PRICKLE2: variants seen among roughly 807,000 people sequenced by gnomAD.
The protein encoded by PRICKLE2 is prickle-like protein 2.
PRICKLE2 carries 21 observed loss-of-function variants against 81.4 expected under a neutral mutation model. The ratio of observed to expected loss-of-function variants is 0.26; its 90% CI spans 0.18 to 0.37. The LOEUF (loss-of-function observed/expected upper bound fraction) is 0.37. Among genes scored for constraint, PRICKLE2 ranks in the 10% least tolerant of loss-of-function variants. PRICKLE2 has a pLI of 1.00. For synonymous variants in PRICKLE2, 456 were observed against 421.5 expected, an observed-to-expected ratio of 1.08 and a Z score of -1.00; for missense variants, 940 against 1,109.0, an observed-to-expected ratio of 0.85 and a Z score of 2.16.
chr3:64,231,956 CA>C (rs767583702), intron 2 of PRICKLE2, among the ~76,000 whole-genome samples: 6 of 152,040 alleles, frequency 3.9e-5, no homozygotes, highest in African/African-American at 7.2e-5. Context: ...AAAACGAAAA[CA>C]AAAACAAAAA....
intron 2 of PRICKLE2, among the ~76,000 whole-genome samples, chr3:64,241,148 C>G (rs1407455345): frequency 1.3e-5 from 2 of 152,190 alleles, no homozygotes; most frequent in Non-Finnish European, 2.9e-5. Context: ...ATGGGCATTG[C>G]TATATTTCAA....
chr3:64,152,456 T>G (rs2077562902), intron 6 of PRICKLE2, among the ~76,000 whole-genome samples: 1 of 152,234 alleles, frequency 6.6e-6, no homozygotes, highest in Admixed American at 6.5e-5. Flanking sequence ...GAAAATGATT[T>G]TCACCATCTC....
intron 1 of PRICKLE2, among the ~76,000 whole-genome samples, chr3:64,207,314 G>A (rs1438741557): frequency 1.3e-5 from 2 of 152,110 alleles, no homozygotes; most frequent in African/African-American, 2.4e-5. Flanking sequence ...TACAACTAAT[G>A]TAGAAAAAAT....
chr3:64,191,957 C>A (rs1255737572), intron 2 of PRICKLE2, among the ~76,000 whole-genome samples: 1 of 152,158 alleles, frequency 6.6e-6, no homozygotes, highest in Non-Finnish European at 1.5e-5. Context: ...GACCCAGAGA[C>A]TTGGAGCTGG....
chr3:64,157,301 C>A lies in PRICKLE2; in HGVS notation c.461G>T (p.Cys154Phe), dbSNP rs1553644844. ...GCATACGAAGCACGGCGGGTGCCAG[C>A]AAACGCCGTGGCCAGCGCGTGACGC... ...VFASRAGHGV[C>F]WHPPCFVCTV... The change falls in exon 5 of 8, where the codon TGC becomes TTC. Residue 154 changes from cysteine (C) to phenylalanine (F), a missense_variant. Transcript: ENST00000638394. The A allele has an allele frequency of 6.2e-7, 1 of 1,614,134 alleles. No individual in the cohort carries two copies. The highest frequency in any genetic ancestry group is 8.5e-7 in the Non-Finnish European group (1 of 1,180,042).
intron 2 of PRICKLE2, among the ~76,000 whole-genome samples, chr3:64,264,176 G>A (rs1299885469): frequency 6.6e-6 from 1 of 151,898 alleles, no homozygotes; most frequent in Non-Finnish European, 1.5e-5. Flanking sequence ...CAGGTCCCCC[G>A]CATGGCCACT....
At chr3:64,178,984 T>C (rs1393069815) in intron 2 of PRICKLE2, among the ~76,000 whole-genome samples, 1 of 133,774 alleles carries the variant, frequency 7.5e-6, no homozygotes, top group Non-Finnish European at 1.6e-5. Flanking sequence ...TCTTTCTTTC[T>C]TTCTTTCTTT....
intron 2 of PRICKLE2, among the ~76,000 whole-genome samples, chr3:64,265,434 C>T (rs553011159): frequency 1.8e-4 from 28 of 152,272 alleles, no homozygotes; most frequent in African/African-American, 5.3e-4. Context: ...ATTCACCTAG[C>T]GCTCTCCTAC....
intron 7 of PRICKLE2, chr3:64,100,904 C>A (rs2306113): frequency 6.6e-6 from 1 of 152,138 alleles, no homozygotes; most frequent in Non-Finnish European, 1.5e-5. Flanking sequence ...ATTTGCCATT[C>A]CTGGTCATAG....
intron 2 of PRICKLE2, among the ~76,000 whole-genome samples, chr3:64,257,043 T>A (rs551120813): frequency 3.5e-4 from 53 of 152,348 alleles, no homozygotes; most frequent in African/African-American, 1.0e-3. Context: ...TGCCAATTAA[T>A]GGAACCCTGG....
chr3:64,120,695 G>C (rs2077010915), intron 7 of PRICKLE2, among the ~76,000 whole-genome samples: 2 of 152,166 alleles, frequency 1.3e-5, no homozygotes, highest in African/African-American at 4.8e-5. Context: ...TATCTCATGA[G>C]TGTGGAAAGA....
At chr3:64,222,706 C>A (rs966897308) in intron 1 of PRICKLE2, among the ~76,000 whole-genome samples, 1 of 152,122 alleles carries the variant, frequency 6.6e-6, no homozygotes, top group African/African-American at 2.4e-5. Context: ...GAGGAGCCAA[C>A]CAGCAGGTTA....
Position 64,098,288 on chromosome 3 carries a change from T to A in PRICKLE2, c.*763A>T, listed in dbSNP as rs2076599189. The A allele has an allele frequency of 6.6e-6, 1 of 152,354 alleles. No individual in the cohort carries two copies. The highest frequency in any genetic ancestry group is 2.1e-4 in the South Asian group (1 of 4,826). The allele number at this position is 152,354 out of a possible 1,614,324, so 9.4% of individuals were successfully genotyped here. On this transcript the variant is annotated 3_prime_UTR_variant, in exon 8 of 8. Transcript: ENST00000638394. ...ATTACATTTGCAATTTAAAAAAAAA[T>A]TACTACCACTTTGTAGAAAATAAAT...
intron 1 of PRICKLE2, among the ~76,000 whole-genome samples, chr3:64,211,312 A>G (rs2078782316): frequency 6.6e-6 from 1 of 152,230 alleles, no homozygotes; most frequent in Admixed American, 6.5e-5. Context: ...TGTACCATGC[A>G]TTGTGGTAGG....
At chr3:64,185,948 C>A (rs2078222862) in intron 2 of PRICKLE2, among the ~76,000 whole-genome samples, 2 of 152,184 alleles carry the variant, frequency 1.3e-5, no homozygotes, top group African/African-American at 4.8e-5. Flanking sequence ...ATTTCCCCAT[C>A]CCCAAGTAAC....
At chr3:64,171,944 G>A (rs1028042029) in intron 2 of PRICKLE2, among the ~76,000 whole-genome samples, 2 of 152,286 alleles carry the variant, frequency 1.3e-5, no homozygotes, top group Middle Eastern at 3.4e-3. Flanking sequence ...AGTTAACTTC[G>A]TTTGAACAAA....
chr3:64,129,854 G>A (rs540579771), intron 7 of PRICKLE2, among the ~76,000 whole-genome samples: 3 of 152,306 alleles, frequency 2.0e-5, no homozygotes, highest in African/African-American at 7.2e-5. Flanking sequence ...TTTTTGAGGT[G>A]TCTGTGGCAG....
intron 7 of PRICKLE2, among the ~76,000 whole-genome samples, chr3:64,131,178 G>A (rs1243500516): frequency 6.6e-6 from 1 of 152,178 alleles, no homozygotes; most frequent in Non-Finnish European, 1.5e-5. Flanking sequence ...GGCCTCATCT[G>A]TTTCATCACA....
At chr3:64,146,454 GA>G in intron 7 of PRICKLE2, 1 of 239,108 alleles carries the variant, frequency 4.2e-6, no homozygotes, top group East Asian at 9.7e-5. Flanking sequence ...TTAAAATCCG[GA>G]GGACCAGGCT....
Sources: allele counts gnomAD v4.1 joint callset (sites outside exome capture counted in the v4.1 genomes callset), GRCh38; gene constraint gnomAD v4.1.1; transcripts MANE v1.5; gene names NCBI Gene and HGNC (gene_info 2026-07-23, HGNC 2026-07-21).